RBMS3: variants seen among roughly 807,000 people sequenced by gnomAD.
The protein encoded by RBMS3 is RNA-binding motif, single-stranded-interacting protein 3.
Under a neutral mutation model 66.8 loss-of-function variants are expected in RBMS3, and 27 were observed. The observed-to-expected ratio is 0.40, with a 90% CI of 0.30 to 0.56. The LOEUF (loss-of-function observed/expected upper bound fraction) is 0.56. Ranked by LOEUF, RBMS3 falls within the 20% of genes least tolerant of loss-of-function variation. RBMS3 has a pLI of 0.40. For synonymous variants in RBMS3, 188 were observed against 183.0 expected, an observed-to-expected ratio of 1.03 and a Z score of -0.22; for missense variants, 513 against 549.5, an observed-to-expected ratio of 0.93 and a Z score of 0.66.
intron 4 of RBMS3, among the ~76,000 whole-genome samples, chr3:29,620,498 A>G (rs2048829030): frequency 6.6e-6 from 1 of 152,122 alleles, no homozygotes; most frequent in African/African-American, 2.4e-5. Flanking sequence ...ATTACGATAA[A>G]ACTCTTATGA....
At chr3:29,799,039 A>G (rs888896708) in intron 6 of RBMS3, among the ~76,000 whole-genome samples, 1 of 150,484 alleles carries the variant, frequency 6.6e-6, no homozygotes, top group African/African-American at 2.5e-5. Context: ...CAACTATTTC[A>G]CAGATGGTCT....
rs56861996 is a variant in RBMS3, at chr3:29,739,458, G to GAAA, written c.400-246_400-244dup. Among the ~76,000 whole-genome samples, 46 of 129,592 alleles carry GAAA rather than the reference G, an allele frequency of 3.5e-4. 1 individual carries two copies. The highest frequency in any genetic ancestry group is 4.2e-3 in the Middle Eastern group (1 of 236). 85.0% of individuals were successfully genotyped at this position (129,592 alleles called of 152,430 possible). Reference sequence around the variant, plus strand: ...GCTACAGAGCGAGACTCCGTCTCAAGAAAAAAAAAAAAAAAAAAGAAAAGT... The same window carrying GAAA: ...GCTACAGAGCGAGACTCCGTCTCAAGAAAAAAAAAAAAAAAAAAAAAGAAAAGT... On this transcript the variant is annotated intron_variant, in intron 4 of 14. Coordinates refer to ENST00000383767, the MANE Select transcript of RBMS3 (RefSeq NM_001003793.3).
intron 6 of RBMS3, among the ~76,000 whole-genome samples, chr3:29,803,700 G>A (rs915364375): frequency 1.3e-5 from 2 of 151,856 alleles, no homozygotes; most frequent in East Asian, 1.9e-4. Flanking sequence ...TGCATATAAT[G>A]TGTGATGAAA....
chr3:29,422,021 A>T (rs949662463), intron 1 of RBMS3, among the ~76,000 whole-genome samples: 1 of 152,220 alleles, frequency 6.6e-6, no homozygotes, highest in Non-Finnish European at 1.5e-5. Context: ...GCTGTGTGCC[A>T]GGTTTTATTC....
chr3:29,822,798 A>G (rs969263449), intron 6 of RBMS3, among the ~76,000 whole-genome samples: 14 of 152,238 alleles, frequency 9.2e-5, no homozygotes, highest in African/African-American at 2.9e-4. Context: ...ATGTCTACCT[A>G]TGATGGTGTC....
intron 10 of RBMS3, among the ~76,000 whole-genome samples, chr3:29,905,355 T>A (rs2060351399): frequency 1.3e-5 from 2 of 152,094 alleles, no homozygotes; most frequent in Admixed American, 1.3e-4. Context: ...ATGCTTATAG[T>A]AAATTTTGTT....
intron 2 of RBMS3, among the ~76,000 whole-genome samples, chr3:29,447,336 A>T (rs2041868359): frequency 6.6e-6 from 1 of 152,238 alleles, no homozygotes. Context: ...TTATAAATAG[A>T]TAAATTCAGA....
chr3:29,527,706 C>G (rs1252656146), intron 3 of RBMS3, among the ~76,000 whole-genome samples: 1 of 152,080 alleles, frequency 6.6e-6, no homozygotes, highest in Non-Finnish European at 1.5e-5. Context: ...TTAGACTTTT[C>G]ACACAGAAAT....
Position 29,498,464 on chromosome 3 carries a change from AATATG to A in RBMS3, c.307+9970_307+9974del, listed in dbSNP as rs1186754414. 2.6e-5 allele frequency among the ~76,000 whole-genome samples: 4 copies of A among 152,222 alleles called. No homozygotes were observed. In the East Asian group the frequency reaches 7.7e-4, roughly 29 times the overall value. ...AAAATATAATAATGTATAATGCACA[AATATG>A]ATATATGTGTGTATTCAGTTCACTA... On this transcript the variant is annotated intron_variant, in intron 3 of 14. Coordinates refer to ENST00000383767, the MANE Select transcript of RBMS3 (RefSeq NM_001003793.3).
intron 2 of RBMS3, among the ~76,000 whole-genome samples, chr3:29,435,973 C>CAA (rs71091061): frequency 0.33 from 44,727 of 136,720 alleles, 7,582 homozygotes; most frequent in East Asian, 0.42. Context: ...GACTCCGTCT[C>CAA]AAAAAAAAAA....
Position 29,991,149 on chromosome 3 carries a change from A to G in RBMS3, c.1247A>G (p.Gln416Arg). Residue 416 changes from glutamine (Q) to arginine (R), a missense_variant, in exon 14 of 15, where the codon CAA (glutamine) becomes CGA (arginine). Physicochemically the swap from Gln to Arg is conservative, Grantham distance 43 (BLOSUM62 1). Transcript: ENST00000383767. ...PSSQDTSGQQ[Q>R]QIAVDTSNEH... Reference sequence around the variant, plus strand: ...TCCCAGGACACCAGTGGTCAGCAGCAACAGATAGCAGTGGACACATCCAAC... The same window carrying G: ...TCCCAGGACACCAGTGGTCAGCAGCGACAGATAGCAGTGGACACATCCAAC... The G allele has an allele frequency of 2.5e-6, 4 of 1,614,156 alleles. No homozygotes were observed. The highest frequency in any genetic ancestry group is 3.4e-6 in the Non-Finnish European group (4 of 1,180,026).
intron 4 of RBMS3, among the ~76,000 whole-genome samples, chr3:29,651,875 G>GAAAT (rs575582818): frequency 6.6e-6 from 1 of 151,866 alleles, no homozygotes; most frequent in East Asian, 1.9e-4. Context: ...ATACATTCTA[G>GAAAT]AAATAAATAA....
intron 7 of RBMS3, among the ~76,000 whole-genome samples, chr3:29,878,206 G>C (rs1199561461): frequency 6.6e-6 from 1 of 152,162 alleles, no homozygotes; most frequent in African/African-American, 2.4e-5. Flanking sequence ...GGTAGTGCTC[G>C]CTTGCCTGCT....
chr3:29,983,899 T>C (rs961049068), intron 12 of RBMS3, among the ~76,000 whole-genome samples: 3 of 152,152 alleles, frequency 2.0e-5, no homozygotes, highest in African/African-American at 7.2e-5. Context: ...TTGGGGTTGC[T>C]CTTCTTGAGG....
chr3:29,351,192 G>T (rs2125558813), intron 1 of RBMS3, among the ~76,000 whole-genome samples: 1 of 152,018 alleles, frequency 6.6e-6, no homozygotes, highest in East Asian at 1.9e-4. Flanking sequence ...GGCTTTCATT[G>T]GTAATACAAA....
chr3:29,493,616 ATCTGT>A (rs2043631438), intron 3 of RBMS3, among the ~76,000 whole-genome samples: 1 of 151,434 alleles, frequency 6.6e-6, no homozygotes, highest in South Asian at 2.1e-4. Context: ...ATTTCTCCAA[ATCTGT>A]TCTGTTTTTT....
chr3:29,398,564 G>A (rs2039659065), intron 1 of RBMS3, among the ~76,000 whole-genome samples: 1 of 152,166 alleles, frequency 6.6e-6, no homozygotes, highest in Non-Finnish European at 1.5e-5. Context: ...AAACTCTTCT[G>A]AATTAGAGAT....
Position 30,007,045 on chromosome 3 carries a change from A to AAAT in RBMS3, c.*3185_*3187dup, listed in dbSNP as rs1699819965. 1 of 152,040 alleles carries AAAT rather than the reference A, an allele frequency of 6.6e-6. No individual in the cohort carries two copies. Among genetic ancestry groups the AAAT allele is most frequent in the African/African-American group, 2.4e-5 (1 of 41,430 alleles). 9.4% of individuals were successfully genotyped at this position (152,040 alleles called of 1,614,324 possible). A position where few individuals can be genotyped will look rare whatever the true frequency, so the allele number is the denominator to read the frequency against. ...TATGTTTTCAAACCAAAAAGAAAAAAAATAGAAGGAAAACAACGGCACATA... is the reference window on the plus strand; with the variant it reads ...TATGTTTTCAAACCAAAAAGAAAAAAAATAATAGAAGGAAAACAACGGCACATA... On this transcript the variant is annotated 3_prime_UTR_variant, in exon 15 of 15. Coordinates refer to ENST00000383767, the MANE Select transcript of RBMS3 (RefSeq NM_001003793.3).
intron 4 of RBMS3, among the ~76,000 whole-genome samples, chr3:29,679,682 C>A (rs2051404992): frequency 6.6e-6 from 1 of 151,586 alleles, no homozygotes. Flanking sequence ...TTTCCCAAGC[C>A]AGTCTAGAGG....
Sources: allele counts gnomAD v4.1 joint callset (sites outside exome capture counted in the v4.1 genomes callset), GRCh38; gene constraint gnomAD v4.1.1; transcripts MANE v1.5; gene names NCBI Gene and HGNC (gene_info 2026-07-23, HGNC 2026-07-21).